The following EXOSC9 variants were observed in gnomAD, a reference collection of about 807,000 sequenced individuals.
EXOSC9 encodes the protein exosome complex component RRP45.
Under a neutral mutation model 56.5 loss-of-function variants are expected in EXOSC9, and 38 were observed. The ratio of observed to expected loss-of-function variants is 0.67; its 90% confidence interval spans 0.52 to 0.88. EXOSC9 has a LOEUF of 0.88. EXOSC9 is among the 40% of genes least tolerant of loss of function. The pLI, the probability that EXOSC9 is intolerant of heterozygous loss-of-function variation, is 0.00. For missense variants in EXOSC9, 559 were observed against 530.5 expected (o/e 1.05, Z -0.53); for synonymous variants, 170 against 170.8 (o/e 0.99, Z 0.04).
chr4:121,806,017 C>T (rs1472508777), intron 5 of EXOSC9, among the ~76,000 whole-genome samples: 1 of 152,094 alleles, frequency 6.6e-6, no homozygotes, highest in African/African-American at 2.4e-5. Context: ...ATTGCCCAGG[C>T]TGGTCTCGAA....
intron 5 of EXOSC9, among the ~76,000 whole-genome samples, chr4:121,805,201 A>G (rs544532172): frequency 4.5e-4 from 69 of 152,338 alleles, no homozygotes; most frequent in African/African-American, 1.5e-3. Context: ...ACGAAAGTCC[A>G]TCAGAAATAC....
intron 6 of EXOSC9, 166 bp downstream of exon 6, chr4:121,807,788 CAGT>C (rs1169650573): frequency 3.3e-6 from 2 of 608,028 alleles, no homozygotes; most frequent in African/African-American, 3.7e-5. Context: ...AGAACTTTCT[CAGT>C]AGAAGTAACA....
intron 6 of EXOSC9, among the ~76,000 whole-genome samples, chr4:121,808,950 T>G (rs1727126759): frequency 6.6e-6 from 1 of 151,452 alleles, no homozygotes; most frequent in African/African-American, 2.4e-5. Context: ...GCTAGGATTA[T>G]AGGCTTGAGC....
chr4:121,805,915 C>A (rs1383729533), intron 5 of EXOSC9, among the ~76,000 whole-genome samples: 6 of 151,314 alleles, frequency 4.0e-5, no homozygotes, highest in Non-Finnish European at 8.8e-5. Context: ...AAGCAATCCT[C>A]CCACCTCAGT....
At chr4:121,814,148 T>C (rs1299872989) in intron 10 of EXOSC9, 101 bp downstream of exon 10, 2 of 709,574 alleles carry the variant, frequency 2.8e-6, no homozygotes, top group African/African-American at 1.8e-5. Flanking sequence ...ATTTATATTA[T>C]CACTGTATAT....
chr4:121,813,690 GT>G, intron 9 of EXOSC9, 175 bp from the exon 10 acceptor site: 1 of 531,226 alleles, frequency 1.9e-6, no homozygotes, highest in Non-Finnish European at 3.3e-6. Flanking sequence ...TCTTGCCTGA[GT>G]TTTTTTTCTT....
At chr4:121,813,784 C>T (rs377612914) in intron 9 of EXOSC9, 82 bp from the exon 10 acceptor site, 502 of 1,044,366 alleles carry the variant, frequency 4.8e-4, no homozygotes, top group African/African-American at 4.7e-3. Flanking sequence ...ATCAATCTTA[C>T]AAGAAGAAAA....
intron 5 of EXOSC9, 126 bp downstream of exon 5, chr4:121,804,885 T>A: frequency 2.9e-6 from 2 of 683,780 alleles, no homozygotes; most frequent in Non-Finnish European, 2.3e-6. Context: ...AAAATTTGTT[T>A]GTAAGACTGA....
Position 121,816,873 on chromosome 4 carries a change from T to C in EXOSC9, c.*17T>C, listed in dbSNP as rs1387455718. The C allele has an allele frequency of 1.9e-6, 3 of 1,544,580 alleles. No individual in the cohort carries two copies. Among genetic ancestry groups the C allele is most frequent in the Non-Finnish European group, 2.6e-6 (3 of 1,140,488 alleles). ...GCCAATTAAAGCTAACAGTTGTATA[T>C]CTGTATATATAACTATTAAAAGGGA... is the stretch of plus-strand genomic sequence containing the variant. On this transcript the variant is annotated 3_prime_UTR_variant, in exon 12 of 12. Transcript: ENST00000243498.
At chr4:121,806,909 T>C (rs979442011) in intron 5 of EXOSC9, among the ~76,000 whole-genome samples, 1 of 152,032 alleles carries the variant, frequency 6.6e-6, no homozygotes, top group African/African-American at 2.4e-5. Context: ...TGGGGAGTAA[T>C]GGAAATGTTA....
At chr4:121,808,362 T>C (rs1275245578) in intron 6 of EXOSC9, among the ~76,000 whole-genome samples, 1 of 152,136 alleles carries the variant, frequency 6.6e-6, no homozygotes, top group African/African-American at 2.4e-5. Flanking sequence ...AATTTTCTTA[T>C]TTTCTTCTTT....
chr4:121,816,716 C>G, intron 11 of EXOSC9, 56 bp from the exon 12 acceptor site: 1 of 1,490,848 alleles, frequency 6.7e-7, no homozygotes, highest in Non-Finnish European at 8.9e-7. Flanking sequence ...CCTCTTATTT[C>G]AATAATCCAA....
chr4:121,816,275 A>T, intron 10 of EXOSC9, 94 bp from the exon 11 acceptor site: 2 of 760,522 alleles, frequency 2.6e-6, no homozygotes, highest in Non-Finnish European at 4.1e-6. Context: ...ATAAGAGTTT[A>T]GAACGTCTGA....
In EXOSC9 at chr4:121,813,352, A is replaced by T. The variant is rs774243871; in HGVS notation, c.946A>T (p.Ile316Phe). The T allele has an allele frequency of 1.9e-6, 3 of 1,613,386 alleles. No homozygotes were observed. In the African/African-American group the frequency reaches 4.0e-5, roughly 22 times the overall value. Residue 316 changes from isoleucine to phenylalanine, a missense_variant, in exon 9 of 12, where the codon ATT becomes TTT. Coordinates refer to ENST00000243498, the MANE Select transcript of EXOSC9 (RefSeq NM_005033.3). The part of the protein sequence containing the change: ...SDVEEKAEEI[I>F]AEAEPPSEVV... ...TGTAGAAGAAAAAGCAGAAGAAATC[A>T]TTGCTGAAGCAGAACCTCCTTCAGA...
At chr4:121,815,821 C>T in intron 10 of EXOSC9, 1 of 1,034,246 alleles carries the variant, frequency 9.7e-7, no homozygotes, top group Non-Finnish European at 1.1e-6. Flanking sequence ...TATACATTTC[C>T]CCCTAGCTTT....
chr4:121,813,430 A>G, intron 9 of EXOSC9, 50 bp downstream of exon 9: 1 of 1,515,396 alleles, frequency 6.6e-7, no homozygotes, highest in Non-Finnish European at 9.1e-7. Context: ...AACACTTGGC[A>G]TTATAATATT....
Position 121,801,379 on chromosome 4 carries a change from T to G in EXOSC9, c.-46T>G, listed in dbSNP as rs374041783. The G allele has an allele frequency of 6.3e-7, 1 of 1,584,786 alleles. No individual in the cohort carries two copies. Among genetic ancestry groups the G allele is most frequent in the Admixed American group, 1.7e-5 (1 of 59,950 alleles). ...GCGCGCAAGGAAAGATCGGGTTCCG[T>G]TTTTCCCGCGGATTCTGGTGCCTGT... On this transcript the variant is annotated 5_prime_UTR_variant, in exon 1 of 12. Transcript: ENST00000243498.
At chr4:121,814,235 T>C (rs1724389832) in intron 10 of EXOSC9, 188 bp downstream of exon 10, 3 of 375,736 alleles carry the variant, frequency 8.0e-6, no homozygotes, top group Non-Finnish European at 1.4e-5. Flanking sequence ...AGAGAGAATA[T>C]AGATATGTAG....
intron 9 of EXOSC9, 76 bp from the exon 10 acceptor site, chr4:121,813,790 G>C (rs1560627697): frequency 8.9e-7 from 1 of 1,117,706 alleles, no homozygotes; most frequent in Non-Finnish European, 1.3e-6. Context: ...CTTACAAGAA[G>C]AAAACTTTCA....
Sources: allele counts gnomAD v4.1 joint callset (sites outside exome capture counted in the v4.1 genomes callset), GRCh38; gene constraint gnomAD v4.1.1; transcripts MANE v1.5; gene names NCBI Gene and HGNC (gene_info 2026-07-23, HGNC 2026-07-21).